Variants in ANKDD1A observed in about 807,000 individuals in gnomAD.
The protein encoded by ANKDD1A is ankyrin repeat and death domain-containing protein 1A.
In ANKDD1A, 59 loss-of-function variants were observed where a neutral mutation model predicts 63.5. That is an observed-to-expected ratio of 0.93 (90% CI 0.75 to 1.15). ANKDD1A has a LOEUF of 1.15. Ranked by LOEUF, ANKDD1A falls within the 50% of genes most tolerant of loss-of-function variation. The pLI is 0.00. For missense variants in ANKDD1A, 632 were observed against 656.4 expected (o/e 0.96, Z 0.41); for synonymous variants, 266 against 263.9 (o/e 1.01, Z -0.08).
chr15:64,930,631 G>A (rs2085082067), intron 6 of ANKDD1A, among the ~76,000 whole-genome samples, 191 bp from the exon 7 acceptor site: 2 of 152,334 alleles, frequency 1.3e-5, no homozygotes, highest in African/African-American at 4.8e-5. Context: ...TTTAAGCAAT[G>A]TGCCTGCCTT....
intron 14 of ANKDD1A, 88 bp downstream of exon 14, chr15:64,950,060 A>G: frequency 6.4e-7 from 1 of 1,561,930 alleles, no homozygotes; most frequent in Non-Finnish European, 8.7e-7. Flanking sequence ...TGCTCAGACA[A>G]GAATGCTGTG....
chr15:64,917,631 G>A (rs1456032588), intron 3 of ANKDD1A, 117 bp downstream of exon 3: 18 of 1,439,782 alleles, frequency 1.3e-5, no homozygotes, highest in Non-Finnish European at 1.7e-5. Flanking sequence ...GTGCAGAGTG[G>A]TGGGGAGTCA....
chr15:64,912,134 G>A (rs1377445109), intron 1 of ANKDD1A, among the ~76,000 whole-genome samples, 170 bp downstream of exon 1: 1 of 152,146 alleles, frequency 6.6e-6, no homozygotes, highest in African/African-American at 2.4e-5. Flanking sequence ...GGGCCGAGGG[G>A]ACCTTGCCAG....
Position 64,952,827 on chromosome 15 carries a change from C to T in ANKDD1A, c.1483+2855C>T, listed in dbSNP as rs192350396. On this transcript the variant is annotated intron_variant, in intron 14 of 14. Coordinates refer to ENST00000319580, the MANE Select transcript of ANKDD1A (RefSeq NM_182703.6). ...CTCCTTCTCCTCCTTCTTCCTCCTC[C>T]TTCTTCCTTTCTTCTCCTTGTCTCT... 3.1e-4 allele frequency among the ~76,000 whole-genome samples: 43 copies of T among 137,402 alleles called. 1 individual carries two copies. Among genetic ancestry groups the T allele is most frequent in the Middle Eastern group, 4.2e-3 (1 of 236 alleles). The allele number at this position is 137,402 out of a possible 152,430, so 90.1% of individuals were successfully genotyped here.
At chr15:64,952,252 TC>T (rs2085302527) in intron 14 of ANKDD1A, among the ~76,000 whole-genome samples, 1 of 150,762 alleles carries the variant, frequency 6.6e-6, no homozygotes, top group Admixed American at 6.6e-5. Flanking sequence ...CTTATTCTTC[TC>T]CTTCTTCCTT....
At chr15:64,911,996 G>GCCCCCCCCCCCCCCCCCCCCCCCCCCCCC in intron 1 of ANKDD1A, 32 bp downstream of exon 1, 1 of 320,740 alleles carries the variant, frequency 3.1e-6, no homozygotes, top group African/African-American at 2.2e-5. Context: ...AGGGGGGCGG[G>GCCCCCCCCCCCCCCCCCCCCCCCCCCCCC]CCGAGGCCGA....
At chr15:64,956,230 TCC>T (rs1595862316) in intron 14 of ANKDD1A, among the ~76,000 whole-genome samples, 4 of 124,288 alleles carry the variant, frequency 3.2e-5, no homozygotes, top group African/African-American at 8.6e-5. Context: ...TTCTTTGGAT[TCC>T]TTTTTTTTTT....
chr15:64,915,071 G>A (rs1413622081), intron 1 of ANKDD1A, among the ~76,000 whole-genome samples: 1 of 152,208 alleles, frequency 6.6e-6, no homozygotes, highest in Non-Finnish European at 1.5e-5. Context: ...TTGGGAGGCC[G>A]AGGCAGGCAG....
intron 8 of ANKDD1A, 72 bp downstream of exon 8, chr15:64,931,657 A>C: frequency 6.6e-7 from 1 of 1,514,388 alleles, no homozygotes; most frequent in Non-Finnish European, 9.1e-7. Context: ...AGTAACGGCC[A>C]CAGGGATTCC....
intron 9 of ANKDD1A, among the ~76,000 whole-genome samples, chr15:64,939,157 G>GAC (rs2085160287): frequency 6.6e-6 from 1 of 152,160 alleles, no homozygotes; most frequent in Non-Finnish European, 1.5e-5. Flanking sequence ...GTTTAGGCTA[G>GAC]GCATGGTAGC....
chr15:64,954,596 TCTC>T lies in ANKDD1A; in HGVS notation c.1484-2504_1484-2502del, dbSNP rs373345022. Among the ~76,000 whole-genome samples the T allele has an allele frequency of 1.9e-3, 260 of 137,346 alleles. 6 individuals are homozygous for T. The highest frequency in any genetic ancestry group is 7.1e-3 in the African/African-American group (246 of 34,862). The allele number at this position is 137,346 out of a possible 152,430, so 90.1% of individuals were successfully genotyped here. A position where few individuals can be genotyped will look rare whatever the true frequency, so the allele number is the denominator to read the frequency against. On this transcript the variant is annotated intron_variant, in intron 14 of 14. Coordinates refer to ENST00000319580, the MANE Select transcript of ANKDD1A (RefSeq NM_182703.6). ...CTCCTTCTTCCTTATTCTTCCTTCT[TCTC>T]CTTCTTCCTCCTCCTTCCTCTTTTC...
chr15:64,954,363 C>CT (rs2085382827), intron 14 of ANKDD1A, among the ~76,000 whole-genome samples: 1 of 48,646 alleles, frequency 2.1e-5, no homozygotes, highest in African/African-American at 7.5e-5. Flanking sequence ...CTCTTCTTCT[C>CT]CTTCTTCTTC....
chr15:64,943,879 G>A (rs1435056338), intron 11 of ANKDD1A: 4 of 411,974 alleles, frequency 9.7e-6, no homozygotes, highest in African/African-American at 8.0e-5. Flanking sequence ...CACCTGGTAG[G>A]GTTGGGAAGT....
intron 3 of ANKDD1A, chr15:64,920,102 C>G (rs1486609162): frequency 1.3e-5 from 2 of 152,214 alleles, no homozygotes; most frequent in African/African-American, 4.8e-5. Flanking sequence ...GTACCCCTCA[C>G]AAAGGCTCCT....
intron 12 of ANKDD1A, 123 bp from the exon 13 acceptor site, chr15:64,947,281 C>A: frequency 1.0e-6 from 1 of 957,188 alleles, no homozygotes; most frequent in Non-Finnish European, 1.5e-6. Context: ...CTGGCCCTTG[C>A]TGACTCCAGC....
chr15:64,954,880 TCTC>T (rs1301339575), intron 14 of ANKDD1A, among the ~76,000 whole-genome samples: 3 of 139,934 alleles, frequency 2.1e-5, no homozygotes, highest in African/African-American at 7.9e-5. Flanking sequence ...TCTTCTTCCT[TCTC>T]CTCCTCCTTC....
Position 64,934,135 on chromosome 15 carries a change from G to C in ANKDD1A, c.769-1G>C, listed in dbSNP as rs751544676. ...ACGCATTGATGCCTGTTTCCTTCTAGAAAAACCTAAGCTGCCTTCACTATG... is the reference window on the plus strand; with the variant it reads ...ACGCATTGATGCCTGTTTCCTTCTACAAAAACCTAAGCTGCCTTCACTATG... On this transcript the variant is annotated splice_acceptor_variant, in intron 8 of 14. Transcript: ENST00000319580. LOFTEE classifies it high-confidence loss of function. 1.4e-5 allele frequency: 22 copies of C among 1,604,600 alleles called. No individual in the cohort carries two copies. In the East Asian group the frequency reaches 3.8e-4, roughly 28 times the overall value.
At chr15:64,951,101 A>T (rs1458665708) in intron 14 of ANKDD1A, 3 of 1,180,076 alleles carry the variant, frequency 2.5e-6, no homozygotes, top group Middle Eastern at 2.4e-4. Context: ...AGGGCTTTTT[A>T]AAAAATCACT....
At chr15:64,928,881 T>G (rs572907368) in intron 6 of ANKDD1A, among the ~76,000 whole-genome samples, 2 of 152,360 alleles carry the variant, frequency 1.3e-5, no homozygotes, top group Admixed American at 1.3e-4. Flanking sequence ...TGTGTGCCAC[T>G]TGCAGCTTCA....
Sources: allele counts gnomAD v4.1 joint callset (sites outside exome capture counted in the v4.1 genomes callset), GRCh38; gene constraint gnomAD v4.1.1; transcripts MANE v1.5; gene names NCBI Gene and HGNC (gene_info 2026-07-23, HGNC 2026-07-21).